The following MAML2 variants were observed in gnomAD, a reference collection of about 807,000 sequenced individuals.
MAML2 encodes the protein mastermind like transcriptional coactivator 2.
A neutral mutation model predicts 96.1 loss-of-function variants in MAML2; 22 were observed. The ratio of observed to expected loss-of-function variants is 0.23; its 90% CI spans 0.16 to 0.33. The LOEUF (loss-of-function observed/expected upper bound fraction) is 0.33, where lower values mean the gene tolerates loss of function less well. Among genes scored for constraint, MAML2 ranks in the 10% least tolerant of loss-of-function variants. The pLI is 1.00. For synonymous variants in MAML2, 561 were observed against 521.3 expected (o/e 1.08, Z -1.04); for missense variants, 1,367 against 1,392.4 (o/e 0.98, Z 0.29).
At chr11:96,263,297 G>C (rs925863442) in intron 1 of MAML2, among the ~76,000 whole-genome samples, 9 of 152,222 alleles carry the variant, frequency 5.9e-5, no homozygotes, top group Non-Finnish European at 1.3e-4. Context: ...ATCTGTAAGA[G>C]AGACCAGCAT....
intron 1 of MAML2, among the ~76,000 whole-genome samples, chr11:96,213,584 T>C (rs1377107623): frequency 1.3e-5 from 2 of 151,778 alleles, no homozygotes; most frequent in African/African-American, 2.4e-5. Context: ...GCAGTTTAAG[T>C]ATAGCCCTCT....
At chr11:96,041,781 T>C (rs957656284) in intron 2 of MAML2, among the ~76,000 whole-genome samples, 1 of 151,940 alleles carries the variant, frequency 6.6e-6, no homozygotes, top group Non-Finnish European at 1.5e-5. Context: ...CCAGTTTCCA[T>C]TGTCTGCCTG....
At chr11:96,239,697 T>C (rs192459917) in intron 1 of MAML2, among the ~76,000 whole-genome samples, 202 of 152,214 alleles carry the variant, frequency 1.3e-3, no homozygotes, top group African/African-American at 4.5e-3. Flanking sequence ...TGGAGTCTAT[T>C]GTATCATTAG....
intron 1 of MAML2, among the ~76,000 whole-genome samples, chr11:96,135,453 CT>C (rs1314933662): frequency 6.6e-6 from 1 of 151,618 alleles, no homozygotes; most frequent in East Asian, 1.9e-4. Flanking sequence ...TATTATTACA[CT>C]TTTACAGAGG....
rs151176863 is a variant in MAML2, at chr11:96,017,521, T to C, written c.2140-25798A>G. ...GCTCTGGCCCTCATGAAACCAACATTTTAGTGTAGGAAGACAGATAATAGA... is the reference window on the plus strand; with the variant it reads ...GCTCTGGCCCTCATGAAACCAACATCTTAGTGTAGGAAGACAGATAATAGA... On this transcript the variant is annotated intron_variant, in intron 2 of 4. Coordinates refer to ENST00000524717, the MANE Select transcript of MAML2 (RefSeq NM_032427.4). 5.0e-3 allele frequency among the ~76,000 whole-genome samples: 763 copies of C among 152,100 alleles called. 3 individuals are homozygous for C. The highest frequency in any genetic ancestry group is 0.017 in the Middle Eastern group (5 of 294).
rs866134703 is a variant in MAML2 at position 95,985,520 on chromosome 11, A to G, written c.2455+11T>C. On this transcript the variant is annotated intron_variant, in intron 4 of 4. Transcript: ENST00000524717. ...CAGCTATAATTTTTATTAATTTTTA[A>G]GAACACTTACCAGAATACTGAGCAG... 6.6e-7 allele frequency: 1 copy of G among 1,510,828 alleles called. No homozygotes were observed. 93.6% of individuals were successfully genotyped at this position (1,510,828 alleles called of 1,614,324 possible). A position where few individuals can be genotyped will look rare whatever the true frequency, so the allele number is the denominator to read the frequency against.
chr11:96,002,699 ATGG>A, intron 2 of MAML2, among the ~76,000 whole-genome samples: 1 of 69,072 alleles, frequency 1.4e-5, no homozygotes, highest in East Asian at 5.8e-4. Context: ...GGGGAGCATG[ATGG>A]GGATGATAAG....
intron 1 of MAML2, among the ~76,000 whole-genome samples, chr11:96,120,287 T>C (rs1459609659): frequency 6.6e-6 from 1 of 152,186 alleles, no homozygotes; most frequent in Non-Finnish European, 1.5e-5. Flanking sequence ...GGTATGAGGA[T>C]GCAACAGCTG....
intron 1 of MAML2, among the ~76,000 whole-genome samples, chr11:96,170,080 AC>A (rs1390447961): frequency 6.6e-6 from 1 of 152,244 alleles, no homozygotes; most frequent in Non-Finnish European, 1.5e-5. Flanking sequence ...TCAAGAGGAT[AC>A]AGGTTCAGAG....
chr11:96,256,812 GGCTGCAATACATCTGGTTTGAC>G (rs1485599169), intron 1 of MAML2, among the ~76,000 whole-genome samples: 1 of 152,122 alleles, frequency 6.6e-6, no homozygotes, highest in Non-Finnish European at 1.5e-5. Context: ...AAGTATGTCC[GGCTGCAATACATCTGGTTTGAC>G]TCTATCAAAT....
At chr11:96,234,450 C>T (rs2135956915) in intron 1 of MAML2, among the ~76,000 whole-genome samples, 1 of 152,170 alleles carries the variant, frequency 6.6e-6, no homozygotes, top group East Asian at 1.9e-4. Context: ...CATTGCACTC[C>T]AGCCTGGGAA....
chr11:96,030,170 A>C (rs1465152206), intron 2 of MAML2, among the ~76,000 whole-genome samples: 2 of 152,008 alleles, frequency 1.3e-5, no homozygotes, highest in African/African-American at 4.8e-5. Context: ...TGGGAGGCGG[A>C]GCTTGCAGTG....
intron 2 of MAML2, among the ~76,000 whole-genome samples, chr11:96,043,607 C>T (rs933274992): frequency 6.6e-6 from 1 of 152,192 alleles, no homozygotes; most frequent in Non-Finnish European, 1.5e-5. Context: ...AGACCAGAAT[C>T]GATGAGAAAT....
chr11:96,222,592 A>T (rs1862156865), intron 1 of MAML2, among the ~76,000 whole-genome samples: 1 of 152,222 alleles, frequency 6.6e-6, no homozygotes, highest in African/African-American at 2.4e-5. Flanking sequence ...ATGAGATATC[A>T]TTTCCCAGGA....
intron 2 of MAML2, among the ~76,000 whole-genome samples, chr11:96,020,511 G>A (rs1239395141): frequency 6.6e-6 from 1 of 152,184 alleles, no homozygotes; most frequent in Non-Finnish European, 1.5e-5. Context: ...TTGTTAAAAG[G>A]CAAAGCCTTA....
intron 1 of MAML2, among the ~76,000 whole-genome samples, chr11:96,248,745 T>C (rs543029593): frequency 6.6e-6 from 1 of 152,338 alleles, no homozygotes; most frequent in East Asian, 1.9e-4. Flanking sequence ...TATTTCTTTA[T>C]ACTAGAACTC....
intron 2 of MAML2, among the ~76,000 whole-genome samples, chr11:96,068,563 T>C (rs1364071922): frequency 2.0e-5 from 3 of 151,982 alleles, no homozygotes; most frequent in East Asian, 1.9e-4. Flanking sequence ...GGGCATTTTT[T>C]AAAAGTACGT....
intron 2 of MAML2, among the ~76,000 whole-genome samples, chr11:96,018,465 T>G (rs1175232731): frequency 6.6e-6 from 1 of 152,166 alleles, no homozygotes; most frequent in Non-Finnish European, 1.5e-5. Context: ...AGGAGTACAG[T>G]AACTGTCCTC....
chr11:96,121,162 C>T (rs1860334013), intron 1 of MAML2, among the ~76,000 whole-genome samples: 1 of 152,088 alleles, frequency 6.6e-6, no homozygotes, highest in African/African-American at 2.4e-5. Flanking sequence ...TTCCTAGATC[C>T]CCTACTCCGC....
Sources: gnomAD v4.1 joint callset for allele counts (sites outside exome capture counted in the v4.1 genomes callset) on GRCh38, gnomAD v4.1.1 for gene constraint, MANE v1.5 for transcripts, NCBI Gene and HGNC (gene_info 2026-07-23, HGNC 2026-07-21) for gene names.